The following CCDC149 variants were observed in gnomAD, a reference collection of about 807,000 sequenced individuals.
CCDC149 encodes coiled-coil domain-containing protein 149.
A neutral mutation model predicts 59.9 loss-of-function variants in CCDC149; 45 were observed. The observed-to-expected ratio is 0.75, with a 90% confidence interval of 0.59 to 0.96. The LOEUF is 0.96. Among genes scored for constraint, CCDC149 ranks in the 40% least tolerant of loss-of-function variants. CCDC149 has a pLI of 0.00. For missense variants in CCDC149, 584 were observed against 664.7 expected (o/e 0.88, Z 1.33); for synonymous variants, 245 against 260.6 (o/e 0.94, Z 0.58).
intron 3 of CCDC149, among the ~76,000 whole-genome samples, chr4:24,870,207 T>C (rs1045782533): frequency 1.3e-5 from 2 of 152,224 alleles, no homozygotes; most frequent in African/African-American, 4.8e-5. Context: ...CACACTTTTG[T>C]ACTTAAAAAA....
At chr4:24,976,760 C>T (rs373576414) in intron 1 of CCDC149, among the ~76,000 whole-genome samples, 4 of 152,100 alleles carry the variant, frequency 2.6e-5, no homozygotes, top group East Asian at 1.9e-4. Flanking sequence ...ATCTGGCCTG[C>T]GCTGGTATAG....
chr4:24,808,297 G>A lies in CCDC149; in HGVS notation c.*92C>T. ...CACTTGCAGACTCGGAGGTATTTCA[G>A]GAGAAGGCGACGTGAGCGCACCATT... On this transcript the variant is annotated 3_prime_UTR_variant, in exon 13 of 13. Transcript: ENST00000635206. 8.3e-7 allele frequency: 1 copy of A among 1,209,894 alleles called. No homozygotes were observed. The highest frequency in any genetic ancestry group is 2.4e-5 in the South Asian group (1 of 42,420). The allele number at this position is 1,209,894 out of a possible 1,614,324, so 74.9% of individuals were successfully genotyped here.
intron 1 of CCDC149, among the ~76,000 whole-genome samples, chr4:24,969,513 T>C (rs753290616): frequency 8.5e-5 from 13 of 152,140 alleles, no homozygotes; most frequent in South Asian, 2.1e-4. Flanking sequence ...CGAGTATAAT[T>C]GAGCGATATA....
intron 1 of CCDC149, among the ~76,000 whole-genome samples, chr4:24,966,303 T>A (rs985051083): frequency 6.6e-6 from 1 of 152,096 alleles, no homozygotes; most frequent in Admixed American, 6.5e-5. Flanking sequence ...GAAATGGGTA[T>A]GCGGCAGGCT....
At chr4:24,875,201 G>A (rs1358055608) in intron 2 of CCDC149, among the ~76,000 whole-genome samples, 3 of 152,042 alleles carry the variant, frequency 2.0e-5, no homozygotes, top group African/African-American at 7.2e-5. Context: ...ATGGTGGCAG[G>A]CGCCTGTAGT....
chr4:24,957,473 C>T (rs1490309141), intron 1 of CCDC149, among the ~76,000 whole-genome samples: 2 of 152,196 alleles, frequency 1.3e-5, no homozygotes, highest in Non-Finnish European at 2.9e-5. Context: ...TAAAAGGGAC[C>T]ACCACCATAG....
chr4:24,835,082 G>A (rs1450801321), intron 7 of CCDC149, 50 bp from the exon 8 acceptor site: 2 of 1,354,422 alleles, frequency 1.5e-6, no homozygotes, highest in East Asian at 2.3e-5. Context: ...AGCCAACAAT[G>A]GAAAAGTACC....
intron 1 of CCDC149, among the ~76,000 whole-genome samples, chr4:24,940,926 G>C (rs1047219353): frequency 2.6e-5 from 4 of 152,180 alleles, no homozygotes; most frequent in African/African-American, 4.8e-5. Flanking sequence ...AAGAGACTTA[G>C]ACTCCCACAT....
At chr4:24,855,808 C>T (rs1717968518) in intron 3 of CCDC149, among the ~76,000 whole-genome samples, 1 of 152,146 alleles carries the variant, frequency 6.6e-6, no homozygotes, top group Non-Finnish European at 1.5e-5. Flanking sequence ...AAATCAAAAC[C>T]TATTTTGTAG....
chr4:24,820,896 T>C (rs906787238), intron 11 of CCDC149, among the ~76,000 whole-genome samples, 159 bp downstream of exon 11: 1 of 152,222 alleles, frequency 6.6e-6, no homozygotes, highest in Non-Finnish European at 1.5e-5. Flanking sequence ...TCCTTTAATA[T>C]TTGTTTTGTA....
At chr4:24,936,423 T>A (rs2109345256) in intron 1 of CCDC149, among the ~76,000 whole-genome samples, 1 of 152,290 alleles carries the variant, frequency 6.6e-6, no homozygotes, top group East Asian at 1.9e-4. Context: ...ATTTATTTTT[T>A]AAATGTGTAA....
At chr4:24,890,204 A>G (rs1344367966) in intron 1 of CCDC149, among the ~76,000 whole-genome samples, 2 of 152,180 alleles carry the variant, frequency 1.3e-5, no homozygotes, top group Non-Finnish European at 2.9e-5. Flanking sequence ...TTCTATAATG[A>G]TATGAACAGC....
intron 4 of CCDC149, among the ~76,000 whole-genome samples, chr4:24,839,473 C>A (rs1379216575): frequency 6.6e-6 from 1 of 152,230 alleles, no homozygotes; most frequent in Non-Finnish European, 1.5e-5. Context: ...GCCACCGTGC[C>A]CGGCCTTTAC....
rs375498163 is a variant in CCDC149, at chr4:24,878,394, G to A, written c.64-1697C>T. 4.6e-5 allele frequency among the ~76,000 whole-genome samples: 7 copies of A among 152,226 alleles called. No individual in the cohort carries two copies. In the East Asian group the frequency reaches 1.2e-3, roughly 25 times the overall value. ...CTTAAAATGTCCTGGATTTTGAGACGTTGACATCGTCTTCATGGAGGCAAA... is the reference window on the plus strand; with the variant it reads ...CTTAAAATGTCCTGGATTTTGAGACATTGACATCGTCTTCATGGAGGCAAA... On this transcript the variant is annotated intron_variant, in intron 1 of 12. Coordinates refer to ENST00000635206, the MANE Select transcript of CCDC149 (RefSeq NM_001330643.2).
chr4:24,882,783 C>T (rs1370319228), intron 1 of CCDC149, among the ~76,000 whole-genome samples: 1 of 152,176 alleles, frequency 6.6e-6, no homozygotes, highest in Non-Finnish European at 1.5e-5. Flanking sequence ...ATGAGAAACA[C>T]ATATGGGCTC....
intron 1 of CCDC149, among the ~76,000 whole-genome samples, chr4:24,900,727 G>A (rs1199890465): frequency 2.0e-5 from 3 of 152,220 alleles, no homozygotes; most frequent in African/African-American, 2.4e-5. Context: ...GCAACAGGAC[G>A]AAGAGCTCAC....
intron 3 of CCDC149, among the ~76,000 whole-genome samples, chr4:24,861,250 G>GAT (rs149917356): frequency 0.87 from 131,045 of 150,444 alleles, 57,086 homozygotes; most frequent in South Asian, 0.91. Context: ...AATAATATGT[G>GAT]ATATATATAT....
At chr4:24,858,957 A>G (rs1192583617) in intron 3 of CCDC149, among the ~76,000 whole-genome samples, 2 of 152,176 alleles carry the variant, frequency 1.3e-5, no homozygotes, top group African/African-American at 4.8e-5. Context: ...TGCCTCTATC[A>G]CCGTTCCAAT....
chr4:24,838,146 T>C lies in CCDC149; in HGVS notation c.489+10A>G. On this transcript the variant is annotated intron_variant, in intron 5 of 12. Coordinates refer to ENST00000635206, the MANE Select transcript of CCDC149 (RefSeq NM_001330643.2). ...TGCATCCCCCACTCTGAATAGATGTTAGTGAGAACCTGTTCCTTAGCTCGC... is the reference window on the plus strand; with the variant it reads ...TGCATCCCCCACTCTGAATAGATGTCAGTGAGAACCTGTTCCTTAGCTCGC... 1.3e-6 allele frequency: 2 copies of C among 1,597,300 alleles called. No homozygotes were observed. The highest frequency in any genetic ancestry group is 4.5e-5 in the East Asian group (2 of 44,808).
Sources: allele counts gnomAD v4.1 joint callset (sites outside exome capture counted in the v4.1 genomes callset), GRCh38; gene constraint gnomAD v4.1.1; transcripts MANE v1.5; gene names NCBI Gene and HGNC (gene_info 2026-07-23, HGNC 2026-07-21).